Variants in FANCB observed in about 807,000 individuals in gnomAD.
The protein encoded by FANCB is Fanconi anemia group B protein.
A neutral mutation model predicts 38.9 loss-of-function variants in FANCB; 5 were observed. The observed-to-expected ratio is 0.13, with a 90% CI of 0.07 to 0.27. The LOEUF (loss-of-function observed/expected upper bound fraction) is 0.27. Among genes scored for constraint, FANCB ranks in the 10% least tolerant of loss-of-function variants. The pLI, the probability that FANCB is intolerant of heterozygous loss-of-function variation, is 1.00. For synonymous variants in FANCB, 236 were observed against 215.4 expected (o/e 1.10, Z -0.84); for missense variants, 573 against 602.7 (o/e 0.95, Z 0.52).
chrX:14,780,686 G>A, the FANCB span, among the ~76,000 whole-genome samples: 16 of 110,524 alleles, frequency 1.4e-4, no homozygotes, highest in East Asian at 1.9e-3. Flanking sequence ...CCTGCATTGC[G>A]GTACAAAAGC....
chrX:14,838,655 A>T (rs1207987781), downstream of FANCB, among the ~76,000 whole-genome samples: 1 of 112,199 alleles, frequency 8.9e-6, no homozygotes, highest in African/African-American at 3.2e-5. Flanking sequence ...AAAACATCTC[A>T]TCAGGCTTAC....
chrX:14,822,052 G>C, the FANCB span, among the ~76,000 whole-genome samples: 1 of 111,498 alleles, frequency 9.0e-6, no homozygotes, highest in South Asian at 3.8e-4. Context: ...GGTTTGCCCT[G>C]TCTCACCAGA....
chrX:14,756,036 A>C, the FANCB span, among the ~76,000 whole-genome samples: 1 of 112,197 alleles, frequency 8.9e-6, no homozygotes, highest in Non-Finnish European at 1.9e-5. Context: ...CTTACAGCCA[A>C]CTGATTTTCA....
At chrX:14,822,553 C>A in the FANCB span, among the ~76,000 whole-genome samples, 1 of 108,034 alleles carries the variant, frequency 9.3e-6, no homozygotes, top group Non-Finnish European at 1.9e-5. Flanking sequence ...TTGAACACTG[C>A]CCATTTTCTA....
At chrX:14,762,299 C>A in the FANCB span, among the ~76,000 whole-genome samples, 2 of 110,745 alleles carry the variant, frequency 1.8e-5, no homozygotes, top group Non-Finnish European at 3.8e-5. Context: ...CTTAAAGGCC[C>A]CAACTCTTTT....
At chrX:14,771,601 T>C in the FANCB span, among the ~76,000 whole-genome samples, 1 of 111,684 alleles carries the variant, frequency 9.0e-6, no homozygotes, top group Non-Finnish European at 1.9e-5. Flanking sequence ...CTCAGTGTAG[T>C]TCGTTATTAC....
At chrX:14,696,200 A>G in the FANCB span, among the ~76,000 whole-genome samples, 1 of 74,634 alleles carries the variant, frequency 1.3e-5, no homozygotes, top group East Asian at 5.1e-4. Context: ...GGGAGGGAGA[A>G]TGGGATGGAG....
the FANCB span, among the ~76,000 whole-genome samples, chrX:14,723,882 T>G: frequency 8.9e-6 from 1 of 112,349 alleles, no homozygotes; most frequent in African/African-American, 3.2e-5. Context: ...TTATCATAGT[T>G]AGTAATTATG....
At chrX:14,765,355 T>C in the FANCB span, among the ~76,000 whole-genome samples, 2 of 111,720 alleles carry the variant, frequency 1.8e-5, no homozygotes, top group Admixed American at 1.9e-4. Context: ...TAAGGCCACT[T>C]GTTTAGGGAG....
chrX:14,871,840 T>G (rs1253927395), intron 1 of FANCB, among the ~76,000 whole-genome samples: 1 of 104,599 alleles, frequency 9.6e-6, no homozygotes, highest in Non-Finnish European at 2.0e-5. Flanking sequence ...TTTTTTTTCC[T>G]GAAGAAACAG....
the FANCB span, chrX:14,731,086 G>GTGTT: frequency 8.9e-6 from 1 of 112,068 alleles, no homozygotes; most frequent in Non-Finnish European, 1.9e-5. Context: ...TCTGTAATTA[G>GTGTT]TGTTTCACTT....
At chrX:14,745,901 C>T in the FANCB span, among the ~76,000 whole-genome samples, 1 of 108,257 alleles carries the variant, frequency 9.2e-6, no homozygotes, top group Non-Finnish European at 1.9e-5. Context: ...AAGGTTTCAC[C>T]GTGTTAGCCA....
chrX:14,700,141 C>T, the FANCB span, among the ~76,000 whole-genome samples: 774 of 111,592 alleles, frequency 6.9e-3, 10 homozygotes, highest in African/African-American at 0.024. Flanking sequence ...ATGGAGGTAG[C>T]GATGTCCATG....
chrX:14,777,282 C>T, the FANCB span, among the ~76,000 whole-genome samples: 12 of 112,173 alleles, frequency 1.1e-4, no homozygotes, highest in Non-Finnish European at 1.9e-4. Context: ...TCACAGGGGT[C>T]TACCTATTAG....
rs2092362867 is a variant in FANCB at position 14,843,751 on chromosome X, G to A, written c.2396C>T (p.Ala799Val). 4 of 1,210,804 alleles carry A rather than the reference G, an allele frequency of 3.3e-6. No individual in the cohort carries two copies. Among genetic ancestry groups the A allele is most frequent in the African/African-American group, 1.7e-5 (1 of 57,621 alleles). ...TTCCCTTCTGTCTGATAAAGCAGCCGCGACGACACTACTCTTTCCTTTGCT... is the reference window on the plus strand; with the variant it reads ...TTCCCTTCTGTCTGATAAAGCAGCCACGACGACACTACTCTTTCCTTTGCT... ...EVSKGKSSVVAAALSDRRENI... is the reference protein window; with the variant it reads ...EVSKGKSSVVVAALSDRRENI... Residue 799 changes from alanine (A) to valine (V), a missense_variant, in exon 10 of 10, where the codon GCG becomes GTG. Coordinates refer to ENST00000650831, the MANE Select transcript of FANCB (RefSeq NM_001018113.3).
the FANCB span, among the ~76,000 whole-genome samples, chrX:14,762,305 CT>C: frequency 9.9e-5 from 11 of 110,922 alleles, no homozygotes; most frequent in Non-Finnish European, 1.7e-4. Context: ...GGCCCCAACT[CT>C]TTTTATTTGA....
chrX:14,870,948 T>C (rs1166997300), intron 1 of FANCB, among the ~76,000 whole-genome samples: 1 of 111,803 alleles, frequency 8.9e-6, no homozygotes, highest in Non-Finnish European at 1.9e-5. Flanking sequence ...ATAATAATGA[T>C]AGATGTTGTT....
the FANCB span, among the ~76,000 whole-genome samples, chrX:14,702,485 C>G: frequency 8.4e-4 from 94 of 112,086 alleles, no homozygotes; most frequent in Non-Finnish European, 1.1e-3. Context: ...AACTAGCTTT[C>G]CAAATCTGGG....
At chrX:14,740,957 CAT>C in the FANCB span, among the ~76,000 whole-genome samples, 7 of 110,656 alleles carry the variant, frequency 6.3e-5, no homozygotes, top group East Asian at 2.0e-3. Flanking sequence ...TACACAAACA[CAT>C]GCACACACAC....
Sources: gnomAD v4.1 joint callset for allele counts (sites outside exome capture counted in the v4.1 genomes callset) on GRCh38, gnomAD v4.1.1 for gene constraint, MANE v1.5 for transcripts, NCBI Gene and HGNC (gene_info 2026-07-23, HGNC 2026-07-21) for gene names.